Variants in ANKS1B observed in about 807,000 individuals in gnomAD.
The protein encoded by ANKS1B is ankyrin repeat and sterile alpha motif domain-containing protein 1B.
ANKS1B carries 36 observed loss-of-function variants against 148.3 expected under a neutral mutation model. That is an observed-to-expected ratio of 0.24 (90% CI 0.19 to 0.32). The LOEUF (loss-of-function observed/expected upper bound fraction) is 0.32. Ranked by LOEUF, ANKS1B falls within the 10% of genes least tolerant of loss-of-function variation. The probability of loss-of-function intolerance (pLI) is 1.00; values close to 1 mark genes in which losing one functional copy is unlikely to be tolerated. For missense variants in ANKS1B, 1,157 were observed against 1,542.6 expected, an observed-to-expected ratio of 0.75 and a Z score of 4.19; for synonymous variants, 542 against 560.8, an observed-to-expected ratio of 0.97 and a Z score of 0.47.
chr12:99,666,503 C>T (rs1216113398), intron 8 of ANKS1B, among the ~76,000 whole-genome samples: 1 of 150,996 alleles, frequency 6.6e-6, no homozygotes, highest in African/African-American at 2.4e-5. Flanking sequence ...CAGGTCTTGC[C>T]CATATCCTGT....
intron 2 of ANKS1B, among the ~76,000 whole-genome samples, chr12:99,817,160 C>T (rs2069295585): frequency 1.2e-5 from 1 of 80,330 alleles, no homozygotes; most frequent in South Asian, 5.6e-4. Context: ...CAAATCTCTT[C>T]TCCCCCCCCC....
intron 8 of ANKS1B, among the ~76,000 whole-genome samples, chr12:99,714,689 C>A (rs1374115724): frequency 6.6e-6 from 1 of 152,158 alleles, no homozygotes; most frequent in Non-Finnish European, 1.5e-5. Flanking sequence ...CACCAACCAG[C>A]CTTTGCCCTG....
chr12:99,946,057 T>G (rs188835050), intron 1 of ANKS1B, among the ~76,000 whole-genome samples: 54 of 152,288 alleles, frequency 3.5e-4, no homozygotes, highest in Admixed American at 3.5e-3. Context: ...TCTGGTGGTG[T>G]TAACTCACTG....
At chr12:98,892,664 A>G (rs938573796) in intron 17 of ANKS1B, among the ~76,000 whole-genome samples, 16 of 152,260 alleles carry the variant, frequency 1.1e-4, no homozygotes, top group African/African-American at 3.1e-4. Flanking sequence ...CTGCTGACAA[A>G]TAAGTGCACT....
chr12:99,451,043 C>T (rs1178704367), intron 10 of ANKS1B, among the ~76,000 whole-genome samples: 1 of 152,112 alleles, frequency 6.6e-6, no homozygotes, highest in African/African-American at 2.4e-5. Flanking sequence ...ACATGCTCAA[C>T]CTACATTTCA....
At chr12:98,880,944 G>A (rs746655482) in intron 17 of ANKS1B, among the ~76,000 whole-genome samples, 14 of 151,602 alleles carry the variant, frequency 9.2e-5, no homozygotes, top group South Asian at 2.1e-4. Flanking sequence ...ATTACAAACC[G>A]AAAAAAAATT....
At chr12:98,907,005 CTGT>C (rs889815131) in intron 17 of ANKS1B, among the ~76,000 whole-genome samples, 13 of 145,644 alleles carry the variant, frequency 8.9e-5, no homozygotes, top group African/African-American at 2.8e-4. Flanking sequence ...CATAGTTACT[CTGT>C]GTGTGTGTGT....
At chr12:99,486,281 C>T (rs755858348) in intron 10 of ANKS1B, among the ~76,000 whole-genome samples, 1 of 151,780 alleles carries the variant, frequency 6.6e-6, no homozygotes, top group Non-Finnish European at 1.5e-5. Flanking sequence ...GTTCTTGGTA[C>T]TTTCAGGGGT....
chr12:99,435,377 GT>G (rs1346287216), intron 11 of ANKS1B, among the ~76,000 whole-genome samples: 1 of 152,124 alleles, frequency 6.6e-6, no homozygotes, highest in East Asian at 1.9e-4. Context: ...TCTTAAGTAG[GT>G]TCCAATGATT....
chr12:99,802,732 G>A (rs1242318184), intron 4 of ANKS1B, among the ~76,000 whole-genome samples: 6 of 151,930 alleles, frequency 3.9e-5, no homozygotes, highest in Non-Finnish European at 7.4e-5. Flanking sequence ...GGGCAACATA[G>A]TGAGACCTTT....
At chr12:99,527,142 T>C (rs1163604423) in intron 9 of ANKS1B, among the ~76,000 whole-genome samples, 1 of 152,162 alleles carries the variant, frequency 6.6e-6, no homozygotes, top group East Asian at 1.9e-4. Context: ...GACAATAAAT[T>C]TCTGTTAAGG....
chr12:99,876,477 C>T (rs2092057372), intron 1 of ANKS1B, among the ~76,000 whole-genome samples: 1 of 152,122 alleles, frequency 6.6e-6, no homozygotes, highest in African/African-American at 2.4e-5. Context: ...AATCCTAGCA[C>T]TTTGGGAGGC....
intron 9 of ANKS1B, among the ~76,000 whole-genome samples, chr12:99,556,994 T>C (rs1005070495): frequency 6.6e-6 from 1 of 152,250 alleles, no homozygotes; most frequent in African/African-American, 2.4e-5. Flanking sequence ...GTCCCAAATA[T>C]CTTTGTTAGT....
intron 17 of ANKS1B, among the ~76,000 whole-genome samples, chr12:98,887,293 G>T (rs1482704798): frequency 6.6e-6 from 1 of 152,162 alleles, no homozygotes; most frequent in Non-Finnish European, 1.5e-5. Flanking sequence ...CGCTAAGGAA[G>T]CTTAAGTTCC....
chr12:99,288,217 C>T (rs1164375455), intron 12 of ANKS1B, among the ~76,000 whole-genome samples: 1 of 151,968 alleles, frequency 6.6e-6, no homozygotes, highest in East Asian at 1.9e-4. Flanking sequence ...TGTCTGGCAG[C>T]AGAATTCTCA....
chr12:99,538,896 A>T (rs1325182538), intron 9 of ANKS1B, among the ~76,000 whole-genome samples: 1 of 152,088 alleles, frequency 6.6e-6, no homozygotes, highest in Non-Finnish European at 1.5e-5. Context: ...GGCTTTAATT[A>T]TGTTGAGGTA....
intron 17 of ANKS1B, among the ~76,000 whole-genome samples, chr12:99,010,869 T>C (rs1043182580): frequency 6.9e-4 from 103 of 149,536 alleles, no homozygotes; most frequent in Non-Finnish European, 1.0e-3. Context: ...CCTCCCACTT[T>C]CAAGTAGCTA....
chr12:99,319,851 A>C (rs2084903441), intron 12 of ANKS1B, among the ~76,000 whole-genome samples: 1 of 152,134 alleles, frequency 6.6e-6, no homozygotes, highest in African/African-American at 2.4e-5. Flanking sequence ...TTCCATGTTT[A>C]GTGCTTCCTT....
At chr12:99,037,575 A>G (rs1458262330) in intron 17 of ANKS1B, among the ~76,000 whole-genome samples, 1 of 152,208 alleles carries the variant, frequency 6.6e-6, no homozygotes, top group Non-Finnish European at 1.5e-5. Flanking sequence ...CATCTATGGC[A>G]CACAGGCAGA....
Sources: gnomAD v4.1 joint callset for allele counts (sites outside exome capture counted in the v4.1 genomes callset) on GRCh38, gnomAD v4.1.1 for gene constraint, MANE v1.5 for transcripts, NCBI Gene and HGNC (gene_info 2026-07-23, HGNC 2026-07-21) for gene names.